Variants in ZNF69 observed in about 807,000 individuals in gnomAD.
The protein encoded by ZNF69 is ZNF3.
In ZNF69, 47 loss-of-function variants were observed where a neutral mutation model predicts 50.9. The ratio of observed to expected loss-of-function variants is 0.92; its 90% CI spans 0.73 to 1.18. The LOEUF (loss-of-function observed/expected upper bound fraction) is 1.18, where lower values mean the gene tolerates loss of function less well. Among genes scored for constraint, ZNF69 ranks in the 50% most tolerant of loss-of-function variants. ZNF69 has a pLI of 0.00. For synonymous variants in ZNF69, 216 were observed against 223.1 expected (o/e 0.97, Z 0.29); for missense variants, 717 against 675.1 (o/e 1.06, Z -0.69).
chr19:11,979,713 A>G, the ZNF69 span: 1 of 1,600,156 alleles, frequency 6.2e-7, no homozygotes, highest in Non-Finnish European at 8.5e-7. Flanking sequence ...AAGCCCTACG[A>G]GTGTAAGCAA....
At chr19:11,953,622 C>G in the ZNF69 span, among the ~76,000 whole-genome samples, 2 of 152,218 alleles carry the variant, frequency 1.3e-5, no homozygotes, top group African/African-American at 2.4e-5. Context: ...TAGGGAATAT[C>G]ATGAGTATTT....
the ZNF69 span, among the ~76,000 whole-genome samples, chr19:11,943,479 G>A: frequency 1.3e-5 from 2 of 152,256 alleles, no homozygotes. Flanking sequence ...GCATGTAAAT[G>A]GGGGTCTCTT....
the ZNF69 span, among the ~76,000 whole-genome samples, chr19:11,961,922 TACACACAC>T: frequency 0.041 from 6,007 of 145,052 alleles, 165 homozygotes; most frequent in African/African-American, 0.057. Context: ...TGGCCTCTTT[TACACACAC>T]ACACACACAC....
Position 11,903,432 on chromosome 19 carries a change from A to G in ZNF69, c.64-141A>G, listed in dbSNP as rs1229537003. ...TCAAAAAAAAGAATTGCTTTATGGA[A>G]GAAAGTAAGTATACACAGGGAGAAA... On this transcript the variant is annotated intron_variant, in intron 1 of 3. Transcript: ENST00000429654. 5 of 1,408,544 alleles carry G rather than the reference A, an allele frequency of 3.5e-6. No individual in the cohort carries two copies. The Admixed American group carries it at 7.2e-5, about 20-fold the overall frequency. 87.3% of individuals were successfully genotyped at this position (1,408,544 alleles called of 1,614,324 possible).
chr19:11,974,163 C>T, the ZNF69 span, among the ~76,000 whole-genome samples: 67 of 90,468 alleles, frequency 7.4e-4, 1 homozygote, highest in African/African-American at 2.6e-3. Context: ...TCTTTCCTTC[C>T]TTCCTTCCTT....
At chr19:11,948,218 A>G in the ZNF69 span, 2 of 1,558,360 alleles carry the variant, frequency 1.3e-6, no homozygotes, top group East Asian at 4.5e-5. Flanking sequence ...ATACTTGTTG[A>G]TTAATATAGA....
chr19:11,925,441 G>A, the ZNF69 span, among the ~76,000 whole-genome samples: 1 of 152,168 alleles, frequency 6.6e-6, no homozygotes, highest in Admixed American at 6.5e-5. Context: ...GACGGGGCTG[G>A]GCCAGCAGCC....
At chr19:11,954,401 A>C in the ZNF69 span, among the ~76,000 whole-genome samples, 2 of 152,186 alleles carry the variant, frequency 1.3e-5, no homozygotes, top group Admixed American at 6.5e-5. Context: ...TTTAAGTAAT[A>C]GAGTCAGGAT....
chr19:11,925,031 C>G, the ZNF69 span: 2 of 594,090 alleles, frequency 3.4e-6, no homozygotes, highest in Non-Finnish European at 5.8e-6. Context: ...GGGGCGGGAC[C>G]TAGTATTTCA....
At chr19:11,967,083 C>G in the ZNF69 span, among the ~76,000 whole-genome samples, 5 of 152,192 alleles carry the variant, frequency 3.3e-5, no homozygotes, top group Non-Finnish European at 7.3e-5. Context: ...GCCTGTAATT[C>G]AAGCACTTTT....
At chr19:11,948,621 T>C in the ZNF69 span, 4 of 1,611,524 alleles carry the variant, frequency 2.5e-6, no homozygotes, top group Non-Finnish European at 3.4e-6. Flanking sequence ...GTAAAGTCTG[T>C]GGAAAAACCT....
At chr19:11,963,856 G>A in the ZNF69 span, among the ~76,000 whole-genome samples, 1 of 152,166 alleles carries the variant, frequency 6.6e-6, no homozygotes, top group Admixed American at 6.5e-5. Context: ...CCTCTCTCCA[G>A]GCCTGGAGTT....
the ZNF69 span, among the ~76,000 whole-genome samples, chr19:11,945,984 C>T: frequency 4.6e-5 from 7 of 152,134 alleles, no homozygotes; most frequent in Admixed American, 1.3e-4. Context: ...AGGGGGTGAC[C>T]GGGGTGGTTA....
chr19:11,919,511 T>G, the ZNF69 span, among the ~76,000 whole-genome samples: 1 of 152,102 alleles, frequency 6.6e-6, no homozygotes, highest in African/African-American at 2.4e-5. Flanking sequence ...GTAATCCCAG[T>G]ATTTGGGAGG....
Position 11,894,947 on chromosome 19 carries a change from A to G in ZNF69, c.63+6961A>G, listed in dbSNP as rs540816327. Among the ~76,000 whole-genome samples the G allele has an allele frequency of 2.0e-5, 3 of 152,324 alleles. No individual in the cohort carries two copies. In the South Asian group the frequency reaches 6.2e-4, roughly 32 times the overall value. On this transcript the variant is annotated intron_variant, in intron 1 of 3. Transcript: ENST00000429654. ...AGTAGCCTGCAAATCAGAATATGAAATTGAGGTTCACAGCGGGGCATAGTG... is the reference window on the plus strand; with the variant it reads ...AGTAGCCTGCAAATCAGAATATGAAGTTGAGGTTCACAGCGGGGCATAGTG...
chr19:11,974,859 T>G, the ZNF69 span, among the ~76,000 whole-genome samples: 1 of 152,226 alleles, frequency 6.6e-6, no homozygotes, highest in Non-Finnish European at 1.5e-5. Flanking sequence ...TGCCTTGGCC[T>G]TGCAAGGTGC....
At chr19:11,965,021 C>G in the ZNF69 span, 3 of 638,240 alleles carry the variant, frequency 4.7e-6, no homozygotes, top group Non-Finnish European at 5.5e-6. Context: ...TTTATCCAGG[C>G]ACAGAGTGGG....
chr19:11,980,112 G>T, the ZNF69 span: 3 of 910,590 alleles, frequency 3.3e-6, no homozygotes, highest in Non-Finnish European at 3.4e-6. Flanking sequence ...TCACACCTTC[G>T]AAAACATGGT....
At chr19:11,955,921 C>T in the ZNF69 span, among the ~76,000 whole-genome samples, 1 of 152,096 alleles carries the variant, frequency 6.6e-6, no homozygotes, top group Non-Finnish European at 1.5e-5. Flanking sequence ...TAATAATGTC[C>T]ACCTTAATAA....
Sources: gnomAD v4.1 joint callset for allele counts (sites outside exome capture counted in the v4.1 genomes callset) on GRCh38, gnomAD v4.1.1 for gene constraint, MANE v1.5 for transcripts, NCBI Gene and HGNC (gene_info 2026-07-23, HGNC 2026-07-21) for gene names.